BCAT1: variants seen among roughly 807,000 people sequenced by gnomAD.
BCAT1 encodes branched-chain-amino-acid aminotransferase, cytosolic.
Under a neutral mutation model 52.4 loss-of-function variants are expected in BCAT1, and 48 were observed. The ratio of observed to expected loss-of-function variants is 0.92; its 90% CI spans 0.73 to 1.16. The LOEUF (loss-of-function observed/expected upper bound fraction) is 1.16, where lower values mean the gene tolerates loss of function less well. Among genes scored for constraint, BCAT1 ranks in the 50% most tolerant of loss-of-function variants. The pLI, the probability that BCAT1 is intolerant of heterozygous loss-of-function variation, is 0.00. For synonymous variants in BCAT1, 167 were observed against 161.3 expected (o/e 1.04, Z -0.27); for missense variants, 451 against 457.1 (o/e 0.99, Z 0.12).
At chr12:24,848,728 T>G (rs1283031291) in intron 6 of BCAT1, among the ~76,000 whole-genome samples, 1 of 151,578 alleles carries the variant, frequency 6.6e-6, no homozygotes, top group Non-Finnish European at 1.5e-5. Flanking sequence ...GTTTTCAACC[T>G]GGCTAGCCTA....
At chr12:24,869,876 T>C (rs1942132169) in intron 5 of BCAT1, among the ~76,000 whole-genome samples, 1 of 152,206 alleles carries the variant, frequency 6.6e-6, no homozygotes, top group African/African-American at 2.4e-5. Context: ...ATTGTATGTT[T>C]ATAGGTGTGT....
In BCAT1 at chr12:24,904,533, C is replaced by T. The variant is rs1444418558; in HGVS notation, c.7-2648G>A. On this transcript the variant is annotated intron_variant, in intron 1 of 10. Coordinates refer to ENST00000261192, the MANE Select transcript of BCAT1 (RefSeq NM_005504.7). ...CTGTATTAACTGCTTCTATTTCCTC[C>T]CCATTAAGGGCTTCTGTCCAATTAT... is the stretch of plus-strand genomic sequence containing the variant. 3 of 152,268 alleles carry T rather than the reference C, an allele frequency of 2.0e-5. No individual in the cohort carries two copies. In the East Asian group the frequency reaches 5.8e-4, roughly 29 times the overall value. 9.4% of individuals were successfully genotyped at this position (152,268 alleles called of 1,614,324 possible).
intron 6 of BCAT1, among the ~76,000 whole-genome samples, chr12:24,842,937 T>C (rs1293289055): frequency 6.6e-6 from 1 of 152,184 alleles, no homozygotes; most frequent in East Asian, 1.9e-4. Context: ...TAAACTTATA[T>C]GGGAAAATTA....
At chr12:24,902,703 G>A (rs1241191308) in intron 1 of BCAT1, 7 of 580,262 alleles carry the variant, frequency 1.2e-5, no homozygotes, top group African/African-American at 4.0e-5. Context: ...TCCGGAGCGG[G>A]TTACCCATGA....
chr12:24,820,433 A>C (rs1940066070), intron 10 of BCAT1, among the ~76,000 whole-genome samples: 1 of 152,204 alleles, frequency 6.6e-6, no homozygotes, highest in African/African-American at 2.4e-5. Context: ...AATAGAAATT[A>C]TATTATTTCC....
At chr12:24,832,996 G>A in intron 8 of BCAT1, 133 bp from the exon 9 acceptor site, 1 of 968,342 alleles carries the variant, frequency 1.0e-6, no homozygotes, top group Non-Finnish European at 1.5e-6. Flanking sequence ...AGGGAAAGCT[G>A]GAAGTGGCAC....
rs1939910349 is a variant in BCAT1 at position 24,817,257 on chromosome 12, T to C, written c.*751A>G. On this transcript the variant is annotated 3_prime_UTR_variant, in exon 11 of 11. Transcript: ENST00000261192. ...AAGGTACACTTCTATAGAAGCAAAA[T>C]GTTCACTGATTCATTATAAAACCAT... 1 of 152,196 alleles carries C rather than the reference T, an allele frequency of 6.6e-6. No individual in the cohort carries two copies. The highest frequency in any genetic ancestry group is 2.4e-5 in the African/African-American group (1 of 41,416). 9.4% of individuals were successfully genotyped at this position (152,196 alleles called of 1,614,324 possible).
intron 3 of BCAT1, among the ~76,000 whole-genome samples, chr12:24,883,422 C>G (rs1426848076): frequency 6.6e-6 from 1 of 151,982 alleles, no homozygotes; most frequent in African/African-American, 2.4e-5. Context: ...ACAGTCATTA[C>G]TTTTTGAGAT....
intron 4 of BCAT1, among the ~76,000 whole-genome samples, chr12:24,880,969 G>C (rs1435785721): frequency 1.3e-5 from 2 of 151,884 alleles, no homozygotes; most frequent in Admixed American, 1.3e-4. Context: ...CACACCGATG[G>C]GACCACAGGC....
At position 24,814,692 on chromosome 12, in the gene BCAT1, C is replaced by T. The variant is rs1482086626; in HGVS notation, c.*3316G>A. 1 of 151,864 alleles carries T rather than the reference C, an allele frequency of 6.6e-6. No individual in the cohort carries two copies. Among genetic ancestry groups the T allele is most frequent in the East Asian group, 1.9e-4 (1 of 5,176 alleles). The allele number at this position is 151,864 out of a possible 1,614,324, so 9.4% of individuals were successfully genotyped here. ...ACTAATATGGTGAAGAATTTTAACC[C>T]AAGGTGTAACTTAGGTTTCCCATGT... On this transcript the variant is annotated 3_prime_UTR_variant, in exon 11 of 11. Transcript: ENST00000261192.
chr12:24,839,722 G>C (rs113412310), intron 7 of BCAT1, among the ~76,000 whole-genome samples: 5 of 152,214 alleles, frequency 3.3e-5, no homozygotes, highest in East Asian at 3.9e-4. Flanking sequence ...GTGTGTGGGC[G>C]CTCATGAAAA....
intron 5 of BCAT1, among the ~76,000 whole-genome samples, chr12:24,858,674 T>C (rs1941763077): frequency 6.6e-6 from 1 of 152,190 alleles, no homozygotes; most frequent in Non-Finnish European, 1.5e-5. Context: ...TTTATCAGAC[T>C]TTTCACCAAA....
intron 3 of BCAT1, among the ~76,000 whole-genome samples, chr12:24,886,575 C>T (rs573186352): frequency 3.9e-4 from 60 of 152,254 alleles, no homozygotes; most frequent in African/African-American, 1.4e-3. Flanking sequence ...TGTAAAAGCA[C>T]TTTATGTGAC....
At chr12:24,824,006 T>G (rs772276494) in intron 10 of BCAT1, among the ~76,000 whole-genome samples, 9 of 152,342 alleles carry the variant, frequency 5.9e-5, no homozygotes, top group Non-Finnish European at 1.3e-4. Flanking sequence ...TCAGTCACTT[T>G]CAGGTTTGAA....
chr12:24,902,122 C>T (rs1223638443), intron 1 of BCAT1: 2 of 1,460,962 alleles, frequency 1.4e-6, no homozygotes, highest in Admixed American at 5.1e-5. Flanking sequence ...CCTCCTCCGC[C>T]GGCTCAGGGA....
intron 9 of BCAT1, chr12:24,830,884 C>T (rs1161621599): frequency 1.3e-5 from 2 of 152,174 alleles, no homozygotes; most frequent in East Asian, 3.9e-4. Flanking sequence ...AAAGCAAGTT[C>T]TAAAACCTCA....
At chr12:24,825,408 C>A (rs1195409460) in intron 10 of BCAT1, among the ~76,000 whole-genome samples, 2 of 151,604 alleles carry the variant, frequency 1.3e-5, no homozygotes, top group Admixed American at 1.3e-4. Flanking sequence ...ATATTTCAAC[C>A]AACAATATAT....
rs780321151 is a variant in BCAT1, at chr12:24,849,830, A to G, written c.630T>C (p.Tyr210=). The change falls in exon 6 of 11, where the codon TAT becomes TAC. Residue 210 remains tyrosine (Y), a synonymous_variant. Transcript: ENST00000261192. The stretch of plus-strand genomic sequence containing the variant: ...CAGTTCCACCTTTCCAGGCTCTTAC[A>G]TACTTGGGATTGGCCCACAGGGACA... ...NPVSLWANPK[Y]VRAWKGGTGD... The G allele has an allele frequency of 1.9e-6, 3 of 1,613,712 alleles. No individual in the cohort carries two copies. The highest frequency in any genetic ancestry group is 3.3e-5 in the Admixed American group (2 of 60,008).
intron 1 of BCAT1, among the ~76,000 whole-genome samples, chr12:24,919,319 G>A (rs1361645023): frequency 6.6e-6 from 1 of 152,176 alleles, no homozygotes; most frequent in Non-Finnish European, 1.5e-5. Flanking sequence ...ATGTCCGCAG[G>A]ACTTTTCCCA....
Sources: gnomAD v4.1 joint callset for allele counts (sites outside exome capture counted in the v4.1 genomes callset) on GRCh38, gnomAD v4.1.1 for gene constraint, MANE v1.5 for transcripts, NCBI Gene and HGNC (gene_info 2026-07-23, HGNC 2026-07-21) for gene names.